The following ACACB variants were observed in gnomAD, a reference collection of about 807,000 sequenced individuals.
ACACB encodes the protein acetyl-CoA carboxylase 2.
ACACB carries 209 observed loss-of-function variants against 278.8 expected under a neutral mutation model. That is an observed-to-expected ratio of 0.75 (90% CI 0.67 to 0.84). ACACB has a LOEUF of 0.84. Among genes scored for constraint, ACACB ranks in the 40% least tolerant of loss-of-function variants. The pLI is 0.00. For synonymous variants in ACACB, 1,174 were observed against 1,285.6 expected (o/e 0.91, Z 1.86); for missense variants, 2,850 against 3,269.0 (o/e 0.87, Z 3.13).
Position 109,210,255 on chromosome 12 carries a change from A to ACATC in ACACB, c.3249+902_3249+903insCATC, listed in dbSNP as rs1555223042. Among the ~76,000 whole-genome samples, 66 of 15,976 alleles carry ACATC rather than the reference A, an allele frequency of 4.1e-3. 17 individuals carry two copies. Among genetic ancestry groups the ACATC allele is most frequent in the Non-Finnish European group, 7.1e-3 (57 of 8,004 alleles). 10.5% of individuals were successfully genotyped at this position (15,976 alleles called of 152,430 possible). ...TATGTATATATGTATATATACACAC[A>ACATC]TGTGTGTATATGTACATATACACAC... On this transcript the variant is annotated intron_variant, in intron 21 of 52. Transcript: ENST00000338432.
chr12:109,132,913 G>C lies in ACACB; in HGVS notation c.-9-6484G>C, dbSNP rs1217804027. 1.3e-5 allele frequency among the ~76,000 whole-genome samples: 2 copies of C among 152,138 alleles called. 1 individual carries two copies. ...GGGAGAAGAGCTGGCCACTGCATTC[G>C]TCAGAGCCTCCGCTGTACAACTTGC... On this transcript the variant is annotated intron_variant, in intron 1 of 52. Coordinates refer to ENST00000338432, the MANE Select transcript of ACACB (RefSeq NM_001093.4).
chr12:109,248,699 A>G (rs939016561), intron 40 of ACACB, among the ~76,000 whole-genome samples: 1 of 152,184 alleles, frequency 6.6e-6, no homozygotes, highest in Non-Finnish European at 1.5e-5. Context: ...ACCCACATTG[A>G]GGATGGGTCT....
chr12:109,230,631 T>C (rs1475937334), intron 28 of ACACB, among the ~76,000 whole-genome samples: 1 of 152,188 alleles, frequency 6.6e-6, no homozygotes, highest in Non-Finnish European at 1.5e-5. Context: ...GGTCTCACTA[T>C]GTGGCCCAGG....
intron 9 of ACACB, 123 bp downstream of exon 9, chr12:109,176,386 C>T (rs1000274661): frequency 3.9e-5 from 34 of 872,880 alleles, no homozygotes; most frequent in Middle Eastern, 3.5e-4. Flanking sequence ...CTGGATGTAT[C>T]GTTGTATCGT....
At chr12:109,222,702 A>G in intron 25 of ACACB, 82 bp downstream of exon 25, 4 of 1,512,832 alleles carry the variant, frequency 2.6e-6, no homozygotes, top group South Asian at 1.1e-5. Context: ...AGCCCTCACC[A>G]TGCACAGTCC....
chr12:109,256,488 G>A (rs752721555), intron 45 of ACACB, among the ~76,000 whole-genome samples: 40 of 152,194 alleles, frequency 2.6e-4, no homozygotes, highest in South Asian at 4.1e-4. Context: ...ACCCCTTTGG[G>A]CATCAGAAGG....
At chr12:109,207,375 A>G (rs1049910031) in intron 20 of ACACB, among the ~76,000 whole-genome samples, 1 of 152,210 alleles carries the variant, frequency 6.6e-6, no homozygotes, top group Non-Finnish European at 1.5e-5. Context: ...CTCAAGACTG[A>G]GAATACTCCA....
upstream of ACACB, among the ~76,000 whole-genome samples, chr12:109,116,223 G>T (rs188754875): frequency 6.6e-6 from 1 of 152,316 alleles, no homozygotes; most frequent in Admixed American, 6.5e-5. Context: ...TGACCTGATA[G>T]CGATCACCTT....
At chr12:109,180,685 T>G (rs1165154412) in intron 11 of ACACB, among the ~76,000 whole-genome samples, 1 of 152,180 alleles carries the variant, frequency 6.6e-6, no homozygotes, top group Non-Finnish European at 1.5e-5. Flanking sequence ...TTGCCCAGGC[T>G]GGAGTGCAGT....
intron 4 of ACACB, among the ~76,000 whole-genome samples, chr12:109,169,324 A>G (rs2044028769): frequency 6.6e-6 from 1 of 152,056 alleles, no homozygotes; most frequent in African/African-American, 2.4e-5. Context: ...TGTTACTTAC[A>G]GCTCTGTTTT....
chr12:109,131,268 G>T (rs1451174991), intron 1 of ACACB: 1 of 152,594 alleles, frequency 6.6e-6, no homozygotes, highest in Admixed American at 6.5e-5. Context: ...CACCCATGTC[G>T]GAGTGCTGGC....
chr12:109,128,236 C>T (rs1593362593), intron 1 of ACACB, among the ~76,000 whole-genome samples: 1 of 151,928 alleles, frequency 6.6e-6, no homozygotes, highest in East Asian at 1.9e-4. Flanking sequence ...GCAACCTCCA[C>T]CTCCCGGGTT....
At chr12:109,196,003 A>G (rs1221620305) in intron 16 of ACACB, among the ~76,000 whole-genome samples, 1 of 152,138 alleles carries the variant, frequency 6.6e-6, no homozygotes, top group Non-Finnish European at 1.5e-5. Flanking sequence ...ATTTTGTTCT[A>G]ATTTTTGTTG....
chr12:109,199,158 C>T (rs2045243461), intron 17 of ACACB, among the ~76,000 whole-genome samples: 1 of 152,024 alleles, frequency 6.6e-6, no homozygotes, highest in Non-Finnish European at 1.5e-5. Context: ...CCACTGCACT[C>T]CAGCCTGGGC....
chr12:109,146,900 C>T (rs1002074420), intron 2 of ACACB, among the ~76,000 whole-genome samples: 1 of 152,136 alleles, frequency 6.6e-6, no homozygotes, highest in African/African-American at 2.4e-5. Flanking sequence ...GTCGGAATCT[C>T]ATGAGCTCAA....
At chr12:109,199,337 G>A (rs1342880911) in intron 17 of ACACB, 65 bp from the exon 18 acceptor site, 17 of 1,305,230 alleles carry the variant, frequency 1.3e-5, no homozygotes, top group African/African-American at 4.6e-5. Context: ...ATTGAAAGCC[G>A]GACTAGGGCT....
chr12:109,222,201 G>A (rs897910043), intron 24 of ACACB, among the ~76,000 whole-genome samples: 1 of 151,990 alleles, frequency 6.6e-6, no homozygotes, highest in Non-Finnish European at 1.5e-5. Context: ...CCTAATCACT[G>A]GCTATTAATA....
intron 1 of ACACB, among the ~76,000 whole-genome samples, chr12:109,132,254 T>C (rs1034858909): frequency 3.9e-5 from 6 of 152,088 alleles, no homozygotes; most frequent in African/African-American, 1.4e-4. Flanking sequence ...AACCTCTGCC[T>C]CCTGGGTTTA....
intron 21 of ACACB, among the ~76,000 whole-genome samples, chr12:109,211,018 C>T (rs911301570): frequency 1.3e-5 from 2 of 151,048 alleles, no homozygotes. Flanking sequence ...ACATCGGCCT[C>T]GCGTTGTTCA....
Sources: allele counts gnomAD v4.1 joint callset (sites outside exome capture counted in the v4.1 genomes callset), GRCh38; gene constraint gnomAD v4.1.1; transcripts MANE v1.5; gene names NCBI Gene and HGNC (gene_info 2026-07-23, HGNC 2026-07-21).